Variants in TAFA1 observed in about 807,000 individuals in gnomAD.
The protein encoded by TAFA1 is TAFA chemokine like family member 1.
A neutral mutation model predicts 18.5 loss-of-function variants in TAFA1; 4 were observed. The ratio of observed to expected loss-of-function variants is 0.22; its 90% CI spans 0.11 to 0.49. The LOEUF (loss-of-function observed/expected upper bound fraction) is 0.49, where lower values mean the gene tolerates loss of function less well. Among genes scored for constraint, TAFA1 ranks in the 20% least tolerant of loss-of-function variants. The pLI is 0.98. For missense variants in TAFA1, 147 were observed against 169.0 expected, an observed-to-expected ratio of 0.87 and a Z score of 0.72; for synonymous variants, 56 against 55.2, an observed-to-expected ratio of 1.01 and a Z score of -0.06.
intron 3 of TAFA1, among the ~76,000 whole-genome samples, chr3:68,474,628 C>T (rs919624066): frequency 1.3e-5 from 2 of 152,190 alleles, no homozygotes; most frequent in African/African-American, 2.4e-5. Context: ...GAGAGTATAG[C>T]AGGTGCTGCA....
At chr3:68,477,744 G>A (rs2072130750) in intron 3 of TAFA1, among the ~76,000 whole-genome samples, 1 of 152,080 alleles carries the variant, frequency 6.6e-6, no homozygotes, top group Non-Finnish European at 1.5e-5. Context: ...GCCTAACAGT[G>A]GAATTTCTGA....
At position 68,431,202 on chromosome 3, in the gene TAFA1, A is replaced by G. The variant is rs189426125; in HGVS notation, c.259+13782A>G. The stretch of plus-strand genomic sequence containing the variant: ...ATTCAAATGCAGGTGTTATAAGTCT[A>G]TTTTGTGAAGAAAGAGATGATGGAG... On this transcript the variant is annotated intron_variant, in intron 3 of 4. Transcript: ENST00000478136. Among the ~76,000 whole-genome samples the G allele has an allele frequency of 2.0e-3, 304 of 152,104 alleles. 4 individuals carry two copies. Among genetic ancestry groups the G allele is most frequent in the East Asian group, 3.5e-3 (18 of 5,150 alleles).
chr3:68,298,005 C>T (rs1016376105), intron 2 of TAFA1, among the ~76,000 whole-genome samples: 1 of 152,184 alleles, frequency 6.6e-6, no homozygotes, highest in Non-Finnish European at 1.5e-5. Flanking sequence ...CTGAACACTT[C>T]AGAAGTAATA....
At chr3:68,077,123 T>C (rs1279675211) in intron 2 of TAFA1, among the ~76,000 whole-genome samples, 1 of 149,544 alleles carries the variant, frequency 6.7e-6, no homozygotes, top group East Asian at 2.0e-4. Context: ...GAAGTGTCTG[T>C]TCATGTCCTT....
At chr3:68,134,012 TG>T (rs1478090567) in intron 2 of TAFA1, among the ~76,000 whole-genome samples, 1 of 148,476 alleles carries the variant, frequency 6.7e-6, no homozygotes, top group Non-Finnish European at 1.5e-5. Context: ...GGAGTTGGAC[TG>T]GACCTCAGAG....
chr3:68,116,276 C>T (rs1221529987), intron 2 of TAFA1, among the ~76,000 whole-genome samples: 2 of 104,970 alleles, frequency 1.9e-5, no homozygotes, highest in Non-Finnish European at 4.4e-5. Flanking sequence ...AACAAACAAA[C>T]AAACAAACAA....
At chr3:68,253,784 G>A (rs181964730) in intron 2 of TAFA1, among the ~76,000 whole-genome samples, 2 of 152,262 alleles carry the variant, frequency 1.3e-5, no homozygotes, top group Admixed American at 6.5e-5. Flanking sequence ...TGTCTAATGA[G>A]TGCAATATTG....
chr3:68,027,624 G>T (rs534697752), intron 2 of TAFA1, among the ~76,000 whole-genome samples: 2 of 152,158 alleles, frequency 1.3e-5, no homozygotes, highest in Non-Finnish European at 2.9e-5. Context: ...ACATGCCACC[G>T]TGAAGTCACA....
rs141209592 is a variant in TAFA1, at chr3:68,243,078, A to AT, written c.119-174192dup. ...CAGTGAGCTTTATCTTTCTTTAATG[A>AT]TTTTTTTTTTCGAGACAAGGTCTTG... is the stretch of plus-strand genomic sequence containing the variant. On this transcript the variant is annotated intron_variant, in intron 2 of 4. Transcript: ENST00000478136. Among the ~76,000 whole-genome samples, 78 of 149,410 alleles carry AT rather than the reference A, an allele frequency of 5.2e-4. 1 individual carries two copies. Among genetic ancestry groups the AT allele is most frequent in the African/African-American group, 1.4e-3 (58 of 40,852 alleles).
chr3:68,006,776 CTCCAGTCTT>C (rs1338657080), intron 2 of TAFA1, 32 bp downstream of exon 2: 2 of 1,420,452 alleles, frequency 1.4e-6, no homozygotes, highest in African/African-American at 2.8e-5. Context: ...CTGCAGCCTC[CTCCAGTCTT>C]ACCACTATTT....
At chr3:68,128,282 C>A (rs1444483068) in intron 2 of TAFA1, among the ~76,000 whole-genome samples, 2 of 152,114 alleles carry the variant, frequency 1.3e-5, no homozygotes, top group Non-Finnish European at 2.9e-5. Context: ...AGAGGCCATC[C>A]AAATTCAGTT....
At chr3:68,044,911 A>T (rs1468742744) in intron 2 of TAFA1, among the ~76,000 whole-genome samples, 1 of 152,226 alleles carries the variant, frequency 6.6e-6, no homozygotes, top group Admixed American at 6.5e-5. Flanking sequence ...TTATTATCAC[A>T]TGTTCATCGT....
At chr3:68,111,463 C>G (rs1190373898) in intron 2 of TAFA1, among the ~76,000 whole-genome samples, 2 of 151,814 alleles carry the variant, frequency 1.3e-5, no homozygotes, top group Non-Finnish European at 2.9e-5. Flanking sequence ...AAAGAATGTT[C>G]CCAGAGAGAA....
In TAFA1 at chr3:68,483,523, T is replaced by C. The variant is rs1052230112; in HGVS notation, c.260-55233T>C. Among the ~76,000 whole-genome samples, 7 of 152,320 alleles carry C rather than the reference T, an allele frequency of 4.6e-5. No individual in the cohort carries two copies. In the South Asian group the frequency reaches 1.2e-3, roughly 27 times the overall value. On this transcript the variant is annotated intron_variant, in intron 3 of 4. Coordinates refer to ENST00000478136, the MANE Select transcript of TAFA1 (RefSeq NM_213609.4). ...TACCCACTACCCTGCTTTAGAGGGA[T>C]TTTTTGTCCCAGTTGTCATGGGCAG...
chr3:68,370,466 GTGTGTGTATATA>G (rs2069673828), intron 2 of TAFA1, among the ~76,000 whole-genome samples: 1 of 17,322 alleles, frequency 5.8e-5, no homozygotes, highest in African/African-American at 2.6e-4. Flanking sequence ...GTGTGTGTGT[GTGTGTGTATATA>G]TATATATATA....
At chr3:68,356,213 T>G (rs4855463) in intron 2 of TAFA1, among the ~76,000 whole-genome samples, 53,618 of 151,658 alleles carry the variant, frequency 0.35, 10,998 homozygotes, top group Non-Finnish European at 0.45. Context: ...TTTGATATAC[T>G]GGGTGATATA....
chr3:68,431,660 T>G (rs2071174994), intron 3 of TAFA1, among the ~76,000 whole-genome samples: 1 of 151,970 alleles, frequency 6.6e-6, no homozygotes, highest in African/African-American at 2.4e-5. Context: ...GGAAATTTGT[T>G]ATGGGAATAT....
chr3:68,378,712 G>T (rs1311197672), intron 2 of TAFA1, among the ~76,000 whole-genome samples: 5 of 152,144 alleles, frequency 3.3e-5, no homozygotes, highest in Admixed American at 3.3e-4. Flanking sequence ...TAATTCCCAC[G>T]TGTTGAGGGA....
intron 2 of TAFA1, among the ~76,000 whole-genome samples, chr3:68,055,409 C>A (rs1393461451): frequency 6.6e-6 from 1 of 152,126 alleles, no homozygotes; most frequent in Non-Finnish European, 1.5e-5. Context: ...GCTCCCTTCC[C>A]CTACCCCAAG....
Sources: gnomAD v4.1 joint callset for allele counts (sites outside exome capture counted in the v4.1 genomes callset) on GRCh38, gnomAD v4.1.1 for gene constraint, MANE v1.5 for transcripts, NCBI Gene and HGNC (gene_info 2026-07-23, HGNC 2026-07-21) for gene names.